The following PDE4B variants were observed in gnomAD, a reference collection of about 807,000 sequenced individuals.
PDE4B encodes the protein phosphodiesterase 4B.
A neutral mutation model predicts 82.2 loss-of-function variants in PDE4B; 20 were observed. The ratio of observed to expected loss-of-function variants is 0.24; its 90% CI spans 0.17 to 0.35. The LOEUF (loss-of-function observed/expected upper bound fraction) is 0.35, where lower values mean the gene tolerates loss of function less well. Ranked by LOEUF, PDE4B falls within the 10% of genes least tolerant of loss-of-function variation. The pLI is 1.00. For missense variants in PDE4B, 655 were observed against 907.2 expected (o/e 0.72, Z 3.57); for synonymous variants, 320 against 318.9 (o/e 1.00, Z -0.04).
chr1:66,230,177 C>T (rs186857179), intron 3 of PDE4B, among the ~76,000 whole-genome samples: 118 of 152,236 alleles, frequency 7.8e-4, no homozygotes, highest in African/African-American at 2.0e-3. Context: ...CACATATGGA[C>T]TTGAATTTGT....
chr1:66,167,779 G>A (rs1230397011), intron 3 of PDE4B, among the ~76,000 whole-genome samples: 1 of 152,140 alleles, frequency 6.6e-6, no homozygotes, highest in African/African-American at 2.4e-5. Context: ...GAATCATGTG[G>A]TGAATTAGCC....
intron 8 of PDE4B, among the ~76,000 whole-genome samples, chr1:66,337,997 C>G (rs1485199216): frequency 6.6e-6 from 1 of 152,114 alleles, no homozygotes; most frequent in Non-Finnish European, 1.5e-5. Flanking sequence ...TTCTATAAAA[C>G]AAAATAATTG....
chr1:66,202,259 A>G (rs948137199), intron 3 of PDE4B, among the ~76,000 whole-genome samples: 5 of 151,782 alleles, frequency 3.3e-5, no homozygotes, highest in Non-Finnish European at 7.4e-5. Context: ...GGAGTGTTTT[A>G]CTACCAACTA....
intron 1 of PDE4B, among the ~76,000 whole-genome samples, chr1:65,816,190 A>AGTGTGTGTGTGTGTGTGT (rs139330007): frequency 1.5e-5 from 2 of 132,798 alleles, no homozygotes; most frequent in African/African-American, 2.8e-5. Context: ...TTATTAATGC[A>AGTGTGTGTGTGTGTGTGT]GTGTGTGTGT....
chr1:65,899,923 G>T (rs932466350), intron 1 of PDE4B, among the ~76,000 whole-genome samples: 2 of 151,768 alleles, frequency 1.3e-5, no homozygotes, highest in Non-Finnish European at 2.9e-5. Context: ...TACAAATAGG[G>T]TGCAGTGTAT....
At chr1:66,225,183 C>T (rs910506598) in intron 3 of PDE4B, among the ~76,000 whole-genome samples, 5 of 152,174 alleles carry the variant, frequency 3.3e-5, no homozygotes, top group African/African-American at 1.2e-4. Context: ...GCAACCTCCT[C>T]CAGTTACTGT....
At chr1:66,160,707 T>C (rs1295383238) in intron 3 of PDE4B, among the ~76,000 whole-genome samples, 1 of 152,260 alleles carries the variant, frequency 6.6e-6, no homozygotes, top group Non-Finnish European at 1.5e-5. Flanking sequence ...CTTGTTTCTT[T>C]ATTTGTAAAA....
intron 1 of PDE4B, among the ~76,000 whole-genome samples, chr1:65,795,370 A>T (rs778033246): frequency 3.9e-5 from 6 of 152,230 alleles, no homozygotes; most frequent in Non-Finnish European, 7.3e-5. Context: ...ATTTCCAAAA[A>T]CCTTCAAACA....
chr1:65,972,968 G>T (rs1470796912), intron 3 of PDE4B, among the ~76,000 whole-genome samples: 4 of 152,206 alleles, frequency 2.6e-5, no homozygotes, highest in Non-Finnish European at 4.4e-5. Context: ...AATGTTTTTT[G>T]ATTGCATTTA....
In PDE4B at chr1:66,170,183, G is replaced by A. The variant is rs542396894; in HGVS notation, c.282-77277G>A. On this transcript the variant is annotated intron_variant, in intron 3 of 16. Coordinates refer to ENST00000341517, the MANE Select transcript of PDE4B (RefSeq NM_002600.4). ...GTTCCTCAACAACATTCGTGGATAT[G>A]GTAGGTGTTGGTGATGCTATGAACA... is the stretch of plus-strand genomic sequence containing the variant. 2.0e-5 allele frequency among the ~76,000 whole-genome samples: 3 copies of A among 152,278 alleles called. No individual in the cohort carries two copies. The South Asian group carries it at 6.2e-4, about 32-fold the overall frequency.
At chr1:66,337,543 C>T (rs1253084224) in intron 8 of PDE4B, among the ~76,000 whole-genome samples, 2 of 152,122 alleles carry the variant, frequency 1.3e-5, no homozygotes, top group African/African-American at 2.4e-5. Flanking sequence ...GGGCTCACGA[C>T]GGCTGCTCAC....
intron 13 of PDE4B, 91 bp from the exon 14 acceptor site, chr1:66,367,605 A>G: frequency 9.9e-7 from 1 of 1,013,062 alleles, no homozygotes. Flanking sequence ...AATAATTTGG[A>G]GAGAACTAGG....
At chr1:65,999,830 G>A (rs1169058555) in intron 3 of PDE4B, among the ~76,000 whole-genome samples, 1 of 152,100 alleles carries the variant, frequency 6.6e-6, no homozygotes, top group Non-Finnish European at 1.5e-5. Context: ...TCTGTTTCCT[G>A]CTCTTTATTC....
intron 1 of PDE4B, among the ~76,000 whole-genome samples, chr1:65,876,571 C>T (rs571879354): frequency 1.4e-4 from 21 of 152,064 alleles, no homozygotes; most frequent in South Asian, 8.3e-4. Context: ...TTAAATTCTT[C>T]GGAGTTCTCA....
chr1:66,112,395 G>A (rs992541393), intron 3 of PDE4B, among the ~76,000 whole-genome samples: 6 of 152,088 alleles, frequency 3.9e-5, no homozygotes, highest in African/African-American at 1.2e-4. Context: ...TTGAGGTCAC[G>A]TCTCTACCAG....
intron 3 of PDE4B, among the ~76,000 whole-genome samples, chr1:66,133,192 G>A (rs1645987178): frequency 6.6e-6 from 1 of 152,146 alleles, no homozygotes; most frequent in Admixed American, 6.5e-5. Context: ...TTTTCAGTGA[G>A]TGATTCTCTT....
chr1:66,365,285 G>A (rs909845835), intron 12 of PDE4B, among the ~76,000 whole-genome samples: 26 of 152,156 alleles, frequency 1.7e-4, no homozygotes, highest in African/African-American at 5.8e-4. Flanking sequence ...TATGAAGGTT[G>A]TTATGTCTCA....
chr1:66,021,761 G>C (rs1653132500), intron 3 of PDE4B, among the ~76,000 whole-genome samples: 1 of 152,132 alleles, frequency 6.6e-6, no homozygotes, highest in African/African-American at 2.4e-5. Flanking sequence ...CTCCAGCTTT[G>C]TTCTTTTGGC....
At chr1:66,193,683 G>C (rs1046864224) in intron 3 of PDE4B, among the ~76,000 whole-genome samples, 3 of 152,080 alleles carry the variant, frequency 2.0e-5, no homozygotes, top group Admixed American at 1.3e-4. Context: ...TAGAAACATT[G>C]GTCAAGGTAT....
Sources: allele counts gnomAD v4.1 joint callset (sites outside exome capture counted in the v4.1 genomes callset), GRCh38; gene constraint gnomAD v4.1.1; transcripts MANE v1.5; gene names NCBI Gene and HGNC (gene_info 2026-07-23, HGNC 2026-07-21).